GBE1: variants seen among roughly 807,000 people sequenced by gnomAD.
GBE1 encodes 1,4-alpha-glucan-branching enzyme.
In GBE1, 70 loss-of-function variants were observed where a neutral mutation model predicts 88.8. That is an observed-to-expected ratio of 0.79 (90% CI 0.65 to 0.96). GBE1 has a LOEUF of 0.96. GBE1 is among the 40% of genes least tolerant of loss of function. The pLI is 0.00. For synonymous variants in GBE1, 284 were observed against 300.1 expected, an observed-to-expected ratio of 0.95 and a Z score of 0.56; for missense variants, 872 against 871.0, an observed-to-expected ratio of 1.00 and a Z score of -0.01.
intron 2 of GBE1, among the ~76,000 whole-genome samples, chr3:81,689,986 G>A (rs145645907): frequency 5.3e-5 from 8 of 152,130 alleles, no homozygotes; most frequent in African/African-American, 1.9e-4. Context: ...AATTGTCTGT[G>A]AGCCTAATCT....
At chr3:81,552,857 C>T (rs1159334445) in intron 12 of GBE1, among the ~76,000 whole-genome samples, 3 of 152,034 alleles carry the variant, frequency 2.0e-5, no homozygotes, top group African/African-American at 7.2e-5. Context: ...AGGCTTTGTG[C>T]TACAATTATT....
intron 1 of GBE1, among the ~76,000 whole-genome samples, chr3:81,710,011 A>G (rs1174395161): frequency 6.6e-6 from 1 of 152,182 alleles, no homozygotes; most frequent in Non-Finnish European, 1.5e-5. Context: ...AAATTATCAG[A>G]TGTGACGTCT....
At chr3:81,695,851 C>G (rs1030865154) in intron 2 of GBE1, among the ~76,000 whole-genome samples, 4 of 152,094 alleles carry the variant, frequency 2.6e-5, no homozygotes, top group African/African-American at 9.7e-5. Flanking sequence ...TTCCTGATCG[C>G]TAAATAATAC....
chr3:81,668,761 AG>A (rs1380696319), intron 3 of GBE1, among the ~76,000 whole-genome samples: 2 of 152,182 alleles, frequency 1.3e-5, no homozygotes, highest in Non-Finnish European at 2.9e-5. Flanking sequence ...CACCAAAAGA[AG>A]GAAAATCTGT....
At chr3:81,587,564 T>TAG (rs1294093302) in intron 9 of GBE1, among the ~76,000 whole-genome samples, 1 of 152,162 alleles carries the variant, frequency 6.6e-6, no homozygotes, top group Non-Finnish European at 1.5e-5. Context: ...GATTCAACAA[T>TAG]TACACATTAA....
At chr3:81,701,975 A>T (rs1705693981) in intron 2 of GBE1, among the ~76,000 whole-genome samples, 1 of 151,084 alleles carries the variant, frequency 6.6e-6, no homozygotes, top group Non-Finnish European at 1.5e-5. Flanking sequence ...GTCTCAGGTC[A>T]GTAGGCACAA....
chr3:81,509,294 CTTTT>C (rs34753672), intron 14 of GBE1, among the ~76,000 whole-genome samples: 1 of 123,788 alleles, frequency 8.1e-6, no homozygotes. Context: ...TAGGGTTTGT[CTTTT>C]TTTTTTTTTT....
Position 81,535,240 on chromosome 3 carries a change from CTT to C in GBE1, c.1887_1888del (p.Ser630GlnfsTer5), listed in dbSNP as rs1559637130. On this transcript the variant is annotated frameshift_variant, in exon 14 of 16. Transcript: ENST00000429644. LOFTEE classifies it high-confidence loss of function. The stretch of plus-strand genomic sequence containing the variant: ...AACTCGGTAGTCAGTGTAGCTCTTG[CTT>C]GGATGGAAGTTGAAAATGAAAAGAA... 1 of 1,611,116 alleles carries C rather than the reference CTT, an allele frequency of 6.2e-7. No homozygotes were observed. The highest frequency in any genetic ancestry group is 1.7e-5 in the Admixed American group (1 of 59,648).
At chr3:81,637,073 T>G (rs546240377) in intron 7 of GBE1, among the ~76,000 whole-genome samples, 1 of 152,156 alleles carries the variant, frequency 6.6e-6, no homozygotes, top group Non-Finnish European at 1.5e-5. Context: ...TGATAAAGTT[T>G]CATGTATAAA....
chr3:81,691,630 T>A (rs1174014644), intron 2 of GBE1, among the ~76,000 whole-genome samples: 1 of 151,696 alleles, frequency 6.6e-6, no homozygotes, highest in African/African-American at 2.4e-5. Flanking sequence ...ATAATAAAAA[T>A]TAGTGGCGTA....
intron 2 of GBE1, among the ~76,000 whole-genome samples, chr3:81,671,433 G>A (rs757158397): frequency 2.0e-5 from 3 of 152,126 alleles, no homozygotes. Context: ...AAGAAAGGTA[G>A]AAGGTTATAT....
intron 15 of GBE1, among the ~76,000 whole-genome samples, chr3:81,493,250 A>G (rs1038218558): frequency 3.3e-5 from 5 of 152,318 alleles, no homozygotes; most frequent in African/African-American, 2.4e-5. Context: ...TTGTCCTACA[A>G]TGCAGGTAAA....
intron 14 of GBE1, among the ~76,000 whole-genome samples, chr3:81,500,900 G>A (rs1443954782): frequency 6.6e-6 from 1 of 152,140 alleles, no homozygotes; most frequent in Admixed American, 6.6e-5. Flanking sequence ...GTGAGAACAT[G>A]AGGTATTTGG....
intron 14 of GBE1, among the ~76,000 whole-genome samples, chr3:81,510,172 T>C (rs1159650519): frequency 6.6e-6 from 1 of 152,058 alleles, no homozygotes; most frequent in African/African-American, 2.4e-5. Flanking sequence ...ATCTAATATT[T>C]TGGCAGGGCC....
intron 7 of GBE1, among the ~76,000 whole-genome samples, chr3:81,601,333 C>A (rs576053258): frequency 3.3e-5 from 5 of 152,216 alleles, no homozygotes; most frequent in African/African-American, 1.2e-4. Flanking sequence ...TGCAGCTCAA[C>A]CTTCTGAATC....
chr3:81,677,286 T>C (rs1221976572), intron 2 of GBE1, among the ~76,000 whole-genome samples: 1 of 152,194 alleles, frequency 6.6e-6, no homozygotes, highest in East Asian at 1.9e-4. Context: ...GCAAGATGTC[T>C]GGCAAATGCA....
At position 81,677,868 on chromosome 3, in the gene GBE1, T is replaced by C. The variant is rs1400102910; in HGVS notation, c.314-6915A>G. Among the ~76,000 whole-genome samples, 51 of 152,136 alleles carry C rather than the reference T, an allele frequency of 3.4e-4. 1 individual carries two copies. The highest frequency in any genetic ancestry group is 3.3e-3 in the Admixed American group (51 of 15,260). On this transcript the variant is annotated intron_variant, in intron 2 of 15. Transcript: ENST00000429644. ...TTAACACATATTAGTTTAGCTTAGGTGTGGTTTTCAAGAACAATCTCTAAA... is the reference window on the plus strand; with the variant it reads ...TTAACACATATTAGTTTAGCTTAGGCGTGGTTTTCAAGAACAATCTCTAAA...
chr3:81,710,889 C>A (rs1458668156), intron 1 of GBE1, among the ~76,000 whole-genome samples: 1 of 152,150 alleles, frequency 6.6e-6, no homozygotes, highest in Non-Finnish European at 1.5e-5. Flanking sequence ...AATATAAATA[C>A]ACTAACACAT....
intron 3 of GBE1, among the ~76,000 whole-genome samples, chr3:81,654,157 T>G (rs765183383): frequency 2.2e-4 from 33 of 152,140 alleles, no homozygotes; most frequent in Non-Finnish European, 1.0e-4. Flanking sequence ...GAGGTTATCA[T>G]CAAAAGACAT....
Sources: gnomAD v4.1 joint callset for allele counts (sites outside exome capture counted in the v4.1 genomes callset) on GRCh38, gnomAD v4.1.1 for gene constraint, MANE v1.5 for transcripts, NCBI Gene and HGNC (gene_info 2026-07-23, HGNC 2026-07-21) for gene names.